The following RIMS2 variants were observed in gnomAD, a reference collection of about 807,000 sequenced individuals.
The protein encoded by RIMS2 is regulating synaptic membrane exocytosis 2.
RIMS2 carries 59 observed loss-of-function variants against 174.4 expected under a neutral mutation model. The ratio of observed to expected loss-of-function variants is 0.34; its 90% CI spans 0.27 to 0.42. The LOEUF (loss-of-function observed/expected upper bound fraction) is 0.42. RIMS2 is among the 10% of genes least tolerant of loss of function. RIMS2 has a pLI of 1.00. For synonymous variants in RIMS2, 606 were observed against 572.5 expected (o/e 1.06, Z -0.84); for missense variants, 1,620 against 1,666.3 (o/e 0.97, Z 0.48).
intron 19 of RIMS2, among the ~76,000 whole-genome samples, chr8:104,157,732 C>G (rs557408863): frequency 1.8e-4 from 27 of 152,144 alleles, no homozygotes; most frequent in Non-Finnish European, 3.2e-4. Flanking sequence ...TCAGTAGGCA[C>G]TTGGGTTCCT....
intron 19 of RIMS2, among the ~76,000 whole-genome samples, chr8:104,099,294 G>A (rs1598803817): frequency 6.7e-6 from 1 of 150,068 alleles, no homozygotes; most frequent in South Asian, 2.1e-4. Flanking sequence ...GTGTTTCAGT[G>A]CCAACTCATC....
chr8:103,744,904 A>G (rs974094933), intron 2 of RIMS2, among the ~76,000 whole-genome samples: 5 of 152,182 alleles, frequency 3.3e-5, no homozygotes, highest in African/African-American at 9.7e-5. Flanking sequence ...TTGTCATTCA[A>G]ATAAACTTCT....
At chr8:103,676,551 G>A (rs748606512) in intron 1 of RIMS2, among the ~76,000 whole-genome samples, 13 of 149,694 alleles carry the variant, frequency 8.7e-5, no homozygotes, top group Non-Finnish European at 1.9e-4. Flanking sequence ...TCAGTTAGTT[G>A]CTTAAGCTTT....
intron 2 of RIMS2, among the ~76,000 whole-genome samples, chr8:103,701,416 C>T (rs1421509092): frequency 6.6e-6 from 1 of 152,088 alleles, no homozygotes; most frequent in East Asian, 1.9e-4. Context: ...CTGACCATTT[C>T]TTTGTGTTGG....
At chr8:104,164,058 G>C (rs527894796) in intron 19 of RIMS2, among the ~76,000 whole-genome samples, 60 of 152,230 alleles carry the variant, frequency 3.9e-4, no homozygotes, top group Admixed American at 7.2e-4. Context: ...TAGCCCAAAG[G>C]TAGGGGAACA....
intron 3 of RIMS2, among the ~76,000 whole-genome samples, chr8:103,794,936 C>T (rs1011243238): frequency 1.3e-5 from 2 of 152,144 alleles, no homozygotes; most frequent in East Asian, 1.9e-4. Context: ...CAGGAAACAA[C>T]GGGTGATGGA....
chr8:103,530,757 T>C (rs1836659177), intron 1 of RIMS2, among the ~76,000 whole-genome samples: 2 of 152,010 alleles, frequency 1.3e-5, no homozygotes, highest in East Asian at 3.9e-4. Context: ...CTAAAATATG[T>C]ACAAGGCAAA....
intron 1 of RIMS2, among the ~76,000 whole-genome samples, chr8:103,531,520 T>C (rs1167275353): frequency 6.6e-6 from 1 of 152,166 alleles, no homozygotes. Context: ...GCATGGGAGC[T>C]CTGCGTGCCC....
At chr8:104,241,387 C>A (rs184796200) in intron 19 of RIMS2, among the ~76,000 whole-genome samples, 8 of 152,186 alleles carry the variant, frequency 5.3e-5, no homozygotes, top group Admixed American at 3.9e-4. Context: ...TAAGAAGCAA[C>A]CTGTAAACAA....
intron 1 of RIMS2, among the ~76,000 whole-genome samples, chr8:103,508,072 G>C (rs1361556010): frequency 6.6e-6 from 1 of 151,976 alleles, no homozygotes; most frequent in African/African-American, 2.4e-5. Context: ...TATATTACAT[G>C]GTGTCACATA....
chr8:103,508,363 C>T, intron 1 of RIMS2, among the ~76,000 whole-genome samples: 1 of 150,640 alleles, frequency 6.6e-6, no homozygotes, highest in Non-Finnish European at 1.5e-5. Context: ...GGCTGAATCT[C>T]AAATGATGAG....
At chr8:103,624,464 C>G (rs2095727147) in intron 1 of RIMS2, among the ~76,000 whole-genome samples, 1 of 152,196 alleles carries the variant, frequency 6.6e-6, no homozygotes, top group African/African-American at 2.4e-5. Context: ...AAATGGCAGA[C>G]TGTGGGACTT....
chr8:103,781,624 T>C (rs3110463), intron 3 of RIMS2, among the ~76,000 whole-genome samples: 54,000 of 151,852 alleles, frequency 0.36, 10,328 homozygotes, highest in East Asian at 0.77. Flanking sequence ...AACTTTTTGA[T>C]TTGCATGTTC....
intron 2 of RIMS2, among the ~76,000 whole-genome samples, chr8:103,745,801 G>T (rs759223825): frequency 1.9e-4 from 29 of 152,088 alleles, no homozygotes; most frequent in Non-Finnish European, 2.9e-4. Context: ...GTCCATTTAA[G>T]GTTGGGTTGT....
At chr8:103,600,193 G>C (rs548560278) in intron 1 of RIMS2, among the ~76,000 whole-genome samples, 1 of 152,268 alleles carries the variant, frequency 6.6e-6, no homozygotes, top group South Asian at 2.1e-4. Flanking sequence ...CATCCATGTT[G>C]TTGCAGATGA....
At chr8:103,885,668 G>T in exon 4 of RIMS2, 1 of 1,613,084 alleles carries the variant, frequency 6.2e-7, no homozygotes, top group Non-Finnish European at 8.5e-7. Context: ...GCGGATCCAT[G>T]CTGAAGTGTC....
chr8:103,659,987 G>A (rs1032282507), intron 1 of RIMS2, among the ~76,000 whole-genome samples: 10 of 152,216 alleles, frequency 6.6e-5, no homozygotes, highest in East Asian at 1.9e-4. Flanking sequence ...CTTCAGAACC[G>A]GGGCCCAGGC....
chr8:103,988,075 G>A (rs2094474079), intron 16 of RIMS2, among the ~76,000 whole-genome samples: 1 of 152,002 alleles, frequency 6.6e-6, no homozygotes, highest in Non-Finnish European at 1.5e-5. Context: ...TTATGTGGAA[G>A]GATAAAGACA....
At chr8:103,949,144 A>AAAAAAAAAAAAAGGG (rs1555024083) in intron 14 of RIMS2, among the ~76,000 whole-genome samples, 2 of 138,414 alleles carry the variant, frequency 1.4e-5, no homozygotes, top group African/African-American at 5.3e-5. Flanking sequence ...AAAAAAAAAA[A>AAAAAAAAAAAAAGGG]AAAGGGAAAG....
Sources: gnomAD v4.1 joint callset for allele counts (sites outside exome capture counted in the v4.1 genomes callset) on GRCh38, gnomAD v4.1.1 for gene constraint, MANE v1.5 for transcripts, NCBI Gene and HGNC (gene_info 2026-07-23, HGNC 2026-07-21) for gene names.